The following CADPS variants were observed in gnomAD, a reference collection of about 807,000 sequenced individuals.
CADPS encodes calcium dependent secretion activator.
A neutral mutation model predicts 167.3 loss-of-function variants in CADPS; 57 were observed. The ratio of observed to expected loss-of-function variants is 0.34; its 90% CI spans 0.28 to 0.42. The LOEUF is 0.42. CADPS is among the 20% of genes least tolerant of loss of function. The pLI is 1.00. For synonymous variants in CADPS, 676 were observed against 635.3 expected, an observed-to-expected ratio of 1.06 and a Z score of -0.96; for missense variants, 1,414 against 1,738.1, an observed-to-expected ratio of 0.81 and a Z score of 3.32.
At position 62,501,742 on chromosome 3, in the gene CADPS, T is replaced by TA. The variant is rs397769219; in HGVS notation, c.2600-2475dup. 2.3e-3 allele frequency among the ~76,000 whole-genome samples: 343 copies of TA among 152,134 alleles called. 1 individual carries two copies. The highest frequency in any genetic ancestry group is 7.8e-3 in the African/African-American group (324 of 41,498). ...CATACCAATATTTTTATGCACTTTT[T>TA]AAAAAAAAGTCAATAATTTTTATGT... On this transcript the variant is annotated intron_variant, in intron 17 of 29. Coordinates refer to ENST00000383710, the MANE Select transcript of CADPS (RefSeq NM_003716.4).
chr3:62,575,148 A>G (rs1342436609), intron 8 of CADPS, among the ~76,000 whole-genome samples: 2 of 152,252 alleles, frequency 1.3e-5, no homozygotes, highest in African/African-American at 4.8e-5. Context: ...TAGCTACAAT[A>G]TCTATTGTGT....
At chr3:62,746,777 G>A (rs2081545106) in intron 3 of CADPS, among the ~76,000 whole-genome samples, 1 of 152,118 alleles carries the variant, frequency 6.6e-6, no homozygotes, top group South Asian at 2.1e-4. Context: ...CTTAGAAGTG[G>A]ATCCTTCCCT....
At chr3:62,645,612 A>G in intron 6 of CADPS, 110 bp downstream of exon 6, 1 of 1,179,382 alleles carries the variant, frequency 8.5e-7, no homozygotes, top group Non-Finnish European at 1.2e-6. Flanking sequence ...AACAAGGTTT[A>G]TGTCTTCTCG....
chr3:62,474,087 G>A (rs943061118), intron 24 of CADPS, 86 bp downstream of exon 24: 59 of 898,778 alleles, frequency 6.6e-5, no homozygotes, highest in Non-Finnish European at 7.5e-5. Flanking sequence ...AGCAGACTAG[G>A]GTAGATGGAA....
chr3:62,723,261 GAGA>G (rs1486487145), intron 3 of CADPS, among the ~76,000 whole-genome samples: 3 of 152,316 alleles, frequency 2.0e-5, no homozygotes, highest in African/African-American at 7.2e-5. Flanking sequence ...TTTTTGTCAA[GAGA>G]AGATGTTGTA....
intron 13 of CADPS, among the ~76,000 whole-genome samples, chr3:62,523,312 T>G (rs2071210354): frequency 6.6e-6 from 1 of 152,180 alleles, no homozygotes; most frequent in Admixed American, 6.5e-5. Flanking sequence ...TAATATCTAT[T>G]ATAGGATTAA....
chr3:62,867,622 C>T (rs1359349565), intron 1 of CADPS, among the ~76,000 whole-genome samples: 1 of 152,002 alleles, frequency 6.6e-6, no homozygotes, highest in African/African-American at 2.4e-5. Flanking sequence ...TTTTAGTTCA[C>T]CAAACTCCTC....
At chr3:62,437,340 CTTTTTTTTTT>C (rs11295364) in intron 28 of CADPS, among the ~76,000 whole-genome samples, 2 of 128,208 alleles carry the variant, frequency 1.6e-5, no homozygotes, top group Non-Finnish European at 3.3e-5. Context: ...AAGCAGGTTC[CTTTTTTTTTT>C]TTTTTTTTTC....
At chr3:62,463,576 C>T (rs1255517548) in intron 26 of CADPS, among the ~76,000 whole-genome samples, 3 of 152,202 alleles carry the variant, frequency 2.0e-5, no homozygotes, top group African/African-American at 7.2e-5. Flanking sequence ...CAATTGCCAG[C>T]TGAATCCCAC....
intron 12 of CADPS, among the ~76,000 whole-genome samples, chr3:62,533,728 T>C (rs2074169677): frequency 6.6e-6 from 1 of 152,174 alleles, no homozygotes; most frequent in African/African-American, 2.4e-5. Context: ...CATAAATCCT[T>C]TCACTTTGGA....
At chr3:62,786,446 A>G (rs1021457617) in intron 1 of CADPS, among the ~76,000 whole-genome samples, 1 of 152,108 alleles carries the variant, frequency 6.6e-6, no homozygotes, top group East Asian at 1.9e-4. Flanking sequence ...GTTCAAGAGC[A>G]GCCAGGGCAA....
At chr3:62,600,352 A>G (rs897329440) in intron 6 of CADPS, among the ~76,000 whole-genome samples, 1 of 152,106 alleles carries the variant, frequency 6.6e-6, no homozygotes, top group Non-Finnish European at 1.5e-5. Context: ...CTATATAATA[A>G]GCTGCTATTA....
At chr3:62,732,900 C>T (rs781625545) in intron 3 of CADPS, among the ~76,000 whole-genome samples, 11 of 152,112 alleles carry the variant, frequency 7.2e-5, no homozygotes, top group Non-Finnish European at 1.0e-4. Flanking sequence ...CAAGGGTCAC[C>T]GAGCTCCTCC....
intron 12 of CADPS, chr3:62,536,050 T>A: frequency 6.2e-6 from 1 of 160,628 alleles, no homozygotes; most frequent in Non-Finnish European, 1.4e-5. Flanking sequence ...ACAAAGAGAA[T>A]ACATTCATGT....
At chr3:62,565,348 G>C (rs554229211) in intron 9 of CADPS, among the ~76,000 whole-genome samples, 15 of 152,200 alleles carry the variant, frequency 9.9e-5, no homozygotes, top group Admixed American at 3.3e-4. Flanking sequence ...TCTGATGCTC[G>C]GTTCCATAGA....
intron 1 of CADPS, among the ~76,000 whole-genome samples, chr3:62,829,992 A>T (rs921734816): frequency 6.6e-6 from 1 of 152,090 alleles, no homozygotes; most frequent in Admixed American, 6.6e-5. Flanking sequence ...TCTTCTGTCT[A>T]CCACCACCAT....
intron 6 of CADPS, among the ~76,000 whole-genome samples, chr3:62,642,047 C>T (rs998502602): frequency 3.3e-5 from 5 of 149,904 alleles, no homozygotes; most frequent in Admixed American, 1.3e-4. Context: ...ATGAGGATTC[C>T]AAATAACATA....
intron 11 of CADPS, among the ~76,000 whole-genome samples, chr3:62,542,898 T>C (rs1280487371): frequency 6.6e-6 from 1 of 152,198 alleles, no homozygotes; most frequent in African/African-American, 2.4e-5. Flanking sequence ...CCTGCTGTAG[T>C]TATATTAACT....
chr3:62,718,831 C>T (rs1295892265), intron 3 of CADPS, among the ~76,000 whole-genome samples: 2 of 152,170 alleles, frequency 1.3e-5, no homozygotes, highest in African/African-American at 2.4e-5. Context: ...TCCCAGAGTC[C>T]GTGGGAGGCC....
Sources: allele counts gnomAD v4.1 joint callset (sites outside exome capture counted in the v4.1 genomes callset), GRCh38; gene constraint gnomAD v4.1.1; transcripts MANE v1.5; gene names NCBI Gene and HGNC (gene_info 2026-07-23, HGNC 2026-07-21).